The following LRMDA variants were observed in gnomAD, a reference collection of about 807,000 sequenced individuals.
LRMDA encodes the protein leucine-rich melanocyte differentiation-associated protein.
LRMDA carries 18 observed loss-of-function variants against 29.8 expected under a neutral mutation model. The ratio of observed to expected loss-of-function variants is 0.60; its 90% CI spans 0.42 to 0.90. LRMDA has a LOEUF of 0.90. LRMDA is among the 40% of genes least tolerant of loss of function. The probability of loss-of-function intolerance (pLI) is 0.00; values close to 1 mark genes in which losing one functional copy is unlikely to be tolerated. For missense variants in LRMDA, 273 were observed against 273.9 expected, an observed-to-expected ratio of 1.00 and a Z score of 0.02; for synonymous variants, 125 against 109.4, an observed-to-expected ratio of 1.14 and a Z score of -0.89.
chr10:75,720,303 C>T (rs543591215), intron 2 of LRMDA, among the ~76,000 whole-genome samples: 1 of 152,146 alleles, frequency 6.6e-6, no homozygotes, highest in Non-Finnish European at 1.5e-5. Context: ...AACACACGGG[C>T]AGGAGACTGA....
In LRMDA at chr10:75,893,552, C is replaced by A. The variant is rs540368522; in HGVS notation, c.132-142456C>A. Among the ~76,000 whole-genome samples, 4 of 152,320 alleles carry A rather than the reference C, an allele frequency of 2.6e-5. No individual in the cohort carries two copies. In the South Asian group the frequency reaches 8.3e-4, roughly 32 times the overall value. ...CCAGGAATCCTGAGGATGTGTGAACCTTTTGGCTACATCTCAGAATCACCT... is the reference window on the plus strand; with the variant it reads ...CCAGGAATCCTGAGGATGTGTGAACATTTTGGCTACATCTCAGAATCACCT... On this transcript the variant is annotated intron_variant, in intron 2 of 6. Coordinates refer to ENST00000611255, the MANE Select transcript of LRMDA (RefSeq NM_001305581.2).
rs28475031 is a variant in LRMDA at position 75,570,154 on chromosome 10, G to A, written c.131+131660G>A. On this transcript the variant is annotated intron_variant, in intron 2 of 6. Coordinates refer to ENST00000611255, the MANE Select transcript of LRMDA (RefSeq NM_001305581.2). ...AATTTTGCCCTTAGAGATACATGACGTTAGGCAAGTCACTAAGTCACTTTC... is the reference window on the plus strand; with the variant it reads ...AATTTTGCCCTTAGAGATACATGACATTAGGCAAGTCACTAAGTCACTTTC... Among the ~76,000 whole-genome samples the A allele has an allele frequency of 1.8e-3, 281 of 152,290 alleles. 1 individual carries two copies. The highest frequency in any genetic ancestry group is 5.8e-3 in the African/African-American group (240 of 41,552).
chr10:76,538,024 C>G (rs1298155336), intron 6 of LRMDA, among the ~76,000 whole-genome samples: 2 of 152,168 alleles, frequency 1.3e-5, no homozygotes, highest in East Asian at 3.8e-4. Flanking sequence ...AGAATATATT[C>G]AGGCATGTAG....
intron 2 of LRMDA, among the ~76,000 whole-genome samples, chr10:75,658,576 A>G (rs889253009): frequency 2.0e-5 from 3 of 152,172 alleles, no homozygotes; most frequent in Admixed American, 1.3e-4. Flanking sequence ...GCACATTTGC[A>G]TCTAAGAGGG....
chr10:76,365,105 T>TACACACACAC lies in LRMDA; in HGVS notation c.601+40621_601+40622insCACACACACA, dbSNP rs1446679435. On this transcript the variant is annotated intron_variant, in intron 6 of 6. Transcript: ENST00000611255. ...ACACACATATATATATATATATATA[T>TACACACACAC]ATACACACACACACATACACACCAC... Among the ~76,000 whole-genome samples the TACACACACAC allele has an allele frequency of 3.5e-4, 5 of 14,364 alleles. 1 individual carries two copies. Among genetic ancestry groups the TACACACACAC allele is most frequent in the African/African-American group, 1.1e-3 (4 of 3,552 alleles). 9.4% of individuals were successfully genotyped at this position (14,364 alleles called of 152,430 possible). A position where few individuals can be genotyped will look rare whatever the true frequency, so the allele number is the denominator to read the frequency against.
intron 2 of LRMDA, among the ~76,000 whole-genome samples, chr10:75,594,933 T>C (rs1324164077): frequency 1.3e-5 from 2 of 152,230 alleles, no homozygotes; most frequent in Non-Finnish European, 2.9e-5. Flanking sequence ...ATATGTTCAC[T>C]ATATATTGAT....
At chr10:76,299,506 T>C (rs1027149092) in intron 5 of LRMDA, among the ~76,000 whole-genome samples, 3 of 152,106 alleles carry the variant, frequency 2.0e-5, no homozygotes, top group African/African-American at 7.2e-5. Flanking sequence ...AGAGGTCAGA[T>C]GTGGAATCCG....
At chr10:76,307,269 A>G (rs1840568577) in intron 5 of LRMDA, among the ~76,000 whole-genome samples, 1 of 152,190 alleles carries the variant, frequency 6.6e-6, no homozygotes, top group Admixed American at 6.5e-5. Flanking sequence ...GATATCTGCA[A>G]GACCTCGTGG....
chr10:76,099,405 A>C (rs949522659), intron 5 of LRMDA, among the ~76,000 whole-genome samples: 1 of 148,734 alleles, frequency 6.7e-6, no homozygotes, highest in Non-Finnish European at 1.5e-5. Flanking sequence ...TTTCTTTTTT[A>C]TTTTATTCAT....
chr10:75,804,047 T>C (rs1843805398), intron 2 of LRMDA, among the ~76,000 whole-genome samples: 1 of 152,242 alleles, frequency 6.6e-6, no homozygotes, highest in Non-Finnish European at 1.5e-5. Flanking sequence ...TGTAATGTTC[T>C]GTGACCTTTT....
chr10:75,844,258 G>A (rs142149603), intron 2 of LRMDA, among the ~76,000 whole-genome samples: 177 of 152,298 alleles, frequency 1.2e-3, no homozygotes, highest in African/African-American at 3.7e-3. Context: ...ATGTGGTTTC[G>A]TGTGGCTTTT....
intron 6 of LRMDA, among the ~76,000 whole-genome samples, chr10:76,505,377 A>T (rs190988836): frequency 3.7e-4 from 57 of 152,178 alleles, no homozygotes; most frequent in Non-Finnish European, 6.5e-4. Flanking sequence ...AGAAATGTTC[A>T]TGGATTAATA....
chr10:76,436,601 C>T (rs924796630), intron 6 of LRMDA, among the ~76,000 whole-genome samples: 2 of 152,210 alleles, frequency 1.3e-5, no homozygotes, highest in African/African-American at 2.4e-5. Flanking sequence ...GCAGGCACTA[C>T]AGGTTCCTAT....
chr10:75,953,867 T>C (rs2132422342), intron 2 of LRMDA, among the ~76,000 whole-genome samples: 1 of 152,286 alleles, frequency 6.6e-6, no homozygotes, highest in Middle Eastern at 3.4e-3. Context: ...CTGATTCTGT[T>C]GTGTTACATG....
intron 1 of LRMDA, among the ~76,000 whole-genome samples, chr10:75,434,397 A>G (rs1192870351): frequency 6.6e-6 from 1 of 152,226 alleles, no homozygotes; most frequent in Admixed American, 6.5e-5. Context: ...ATAGGCATTT[A>G]ATAAATGTTG....
At chr10:76,367,652 G>C (rs1841406791) in intron 6 of LRMDA, among the ~76,000 whole-genome samples, 1 of 152,018 alleles carries the variant, frequency 6.6e-6, no homozygotes, top group Admixed American at 6.5e-5. Context: ...TTGAACTCCA[G>C]ACCTCAGGTG....
intron 2 of LRMDA, among the ~76,000 whole-genome samples, chr10:75,919,352 A>T (rs889032857): frequency 6.6e-6 from 1 of 152,164 alleles, no homozygotes. Flanking sequence ...GCAAATTTTT[A>T]TTCTTGGCAT....
At chr10:76,505,088 G>T (rs761829911) in intron 6 of LRMDA, among the ~76,000 whole-genome samples, 10 of 151,324 alleles carry the variant, frequency 6.6e-5, no homozygotes, top group Non-Finnish European at 1.0e-4. Context: ...GAAACTGTTG[G>T]TATGAAATTT....
At chr10:75,506,486 T>TG (rs11387555) in intron 2 of LRMDA, among the ~76,000 whole-genome samples, 138,442 of 152,250 alleles carry the variant, frequency 0.91, 63,155 homozygotes, top group African/African-American at 0.96. Flanking sequence ...TTCTGTTGTT[T>TG]TTTTTTGGTG....
Sources: gnomAD v4.1 joint callset for allele counts (sites outside exome capture counted in the v4.1 genomes callset) on GRCh38, gnomAD v4.1.1 for gene constraint, MANE v1.5 for transcripts, NCBI Gene and HGNC (gene_info 2026-07-23, HGNC 2026-07-21) for gene names.